PGCKA1: variants seen among roughly 807,000 people sequenced by gnomAD.
PGCKA1 encodes the protein PDCD10 and GCKIII kinases-associated protein 1.
chr4:37,479,889 A>G, the PGCKA1 span, among the ~76,000 whole-genome samples: 3 of 152,248 alleles, frequency 2.0e-5, no homozygotes, highest in African/African-American at 7.2e-5. Context: ...GAAGGCATCC[A>G]ATAGGCAGAT....
chr4:37,509,892 C>T, the PGCKA1 span, among the ~76,000 whole-genome samples: 4 of 149,224 alleles, frequency 2.7e-5, no homozygotes, highest in African/African-American at 9.9e-5. Context: ...AGGGAGGTTG[C>T]AGTGAGCCGA....
the PGCKA1 span, among the ~76,000 whole-genome samples, chr4:37,578,262 A>G: frequency 7.2e-5 from 11 of 152,196 alleles, no homozygotes; most frequent in Admixed American, 2.0e-4. Context: ...CAATTGTTAT[A>G]TCCTCTTGCT....
At chr4:37,520,324 G>A in the PGCKA1 span, among the ~76,000 whole-genome samples, 4 of 152,186 alleles carry the variant, frequency 2.6e-5, no homozygotes, top group African/African-American at 9.7e-5. Context: ...AGCTTGAGTA[G>A]CGTTGGTATT....
At chr4:37,569,749 T>TCATAA in the PGCKA1 span, among the ~76,000 whole-genome samples, 15 of 152,178 alleles carry the variant, frequency 9.9e-5, no homozygotes, top group Non-Finnish European at 2.1e-4. Context: ...GTGAAACAGT[T>TCATAA]CCTTCTCATA....
At chr4:37,553,305 G>A in the PGCKA1 span, among the ~76,000 whole-genome samples, 1 of 144,826 alleles carries the variant, frequency 6.9e-6, no homozygotes, top group Non-Finnish European at 1.5e-5. Flanking sequence ...TAACTTCTTT[G>A]ATGCATCTTA....
At chr4:37,534,820 A>G in the PGCKA1 span, among the ~76,000 whole-genome samples, 1 of 152,152 alleles carries the variant, frequency 6.6e-6, no homozygotes, top group East Asian at 1.9e-4. Context: ...ACCTCTTAAC[A>G]TTTCCACACT....
At chr4:37,561,744 G>A in the PGCKA1 span, among the ~76,000 whole-genome samples, 3 of 152,196 alleles carry the variant, frequency 2.0e-5, no homozygotes, top group Non-Finnish European at 1.5e-5. Flanking sequence ...GCTCTCAGGG[G>A]AAATATGGGG....
chr4:37,468,184 G>T, the PGCKA1 span, among the ~76,000 whole-genome samples: 262 of 152,186 alleles, frequency 1.7e-3, 1 homozygote, highest in Non-Finnish European at 2.7e-3. Context: ...ACACTTTCTG[G>T]TCCTACAATT....
At chr4:37,552,377 C>T in the PGCKA1 span, among the ~76,000 whole-genome samples, 1 of 152,330 alleles carries the variant, frequency 6.6e-6, no homozygotes, top group East Asian at 1.9e-4. Context: ...GATTTTAAGA[C>T]AGTAGCTTGC....
chr4:37,535,540 A>G, the PGCKA1 span, among the ~76,000 whole-genome samples: 3 of 152,184 alleles, frequency 2.0e-5, no homozygotes, highest in Admixed American at 2.0e-4. Context: ...GACAGCTTCC[A>G]GAGCCCCACT....
chr4:37,468,760 G>A, the PGCKA1 span, among the ~76,000 whole-genome samples: 10 of 140,856 alleles, frequency 7.1e-5, no homozygotes, highest in Admixed American at 4.3e-4. Flanking sequence ...ACACACATAT[G>A]TTTGTGTAAG....
the PGCKA1 span, among the ~76,000 whole-genome samples, chr4:37,543,783 G>A: frequency 7.3e-5 from 11 of 151,652 alleles, no homozygotes; most frequent in Middle Eastern, 3.4e-3. Flanking sequence ...GCAGTGAGCC[G>A]AGATAGCGCC....
the PGCKA1 span, among the ~76,000 whole-genome samples, chr4:37,546,071 G>A: frequency 2.0e-5 from 3 of 152,270 alleles, no homozygotes; most frequent in South Asian, 2.1e-4. Flanking sequence ...GGATGATGAT[G>A]ATAACAGTGA....
the PGCKA1 span, among the ~76,000 whole-genome samples, chr4:37,567,460 A>G: frequency 3.7e-4 from 56 of 152,244 alleles, 2 homozygotes; most frequent in East Asian, 0.011. Flanking sequence ...CGTGTTGCAG[A>G]TTAGGCCACT....
At chr4:37,484,627 A>C in the PGCKA1 span, among the ~76,000 whole-genome samples, 1 of 152,204 alleles carries the variant, frequency 6.6e-6, no homozygotes, top group Non-Finnish European at 1.5e-5. Flanking sequence ...CATGCTTCTA[A>C]CAGCCTGCGG....
the PGCKA1 span, among the ~76,000 whole-genome samples, chr4:37,564,952 C>CCATACACACACACA: frequency 2.1e-5 from 3 of 143,276 alleles, no homozygotes; most frequent in Non-Finnish European, 4.7e-5. Context: ...AGATTCCACC[C>CCATACACACACACA]CGTACACACA....
At chr4:37,459,833 T>A in the PGCKA1 span, among the ~76,000 whole-genome samples, 35,744 of 137,688 alleles carry the variant, frequency 0.26, 5,097 homozygotes, top group South Asian at 0.36. Flanking sequence ...TTTTTTTTTT[T>A]AATTTTATTT....
At chr4:37,532,413 G>A in the PGCKA1 span, among the ~76,000 whole-genome samples, 3 of 152,192 alleles carry the variant, frequency 2.0e-5, no homozygotes, top group Admixed American at 1.3e-4. Context: ...AACTATACCT[G>A]CTCATCAGTT....
the PGCKA1 span, among the ~76,000 whole-genome samples, chr4:37,543,553 G>T: frequency 1.1e-3 from 166 of 152,104 alleles, no homozygotes; most frequent in African/African-American, 3.7e-3. Context: ...TTGAAAGAAG[G>T]CTGCCTGGCT....
Sources: gnomAD v4.1 joint callset for allele counts (sites outside exome capture counted in the v4.1 genomes callset) on GRCh38, gnomAD v4.1.1 for gene constraint, MANE v1.5 for transcripts, NCBI Gene and HGNC (gene_info 2026-07-23, HGNC 2026-07-21) for gene names.